The following ZNF777 variants were observed in gnomAD, a reference collection of about 807,000 sequenced individuals.
ZNF777 encodes the protein zinc finger protein 777.
In ZNF777, 7 loss-of-function variants were observed where a neutral mutation model predicts 72.1. The ratio of observed to expected loss-of-function variants is 0.10; its 90% confidence interval spans 0.06 to 0.18. The LOEUF (loss-of-function observed/expected upper bound fraction) is 0.18, where lower values mean the gene tolerates loss of function less well. Ranked by LOEUF, ZNF777 falls within the 10% of genes least tolerant of loss-of-function variation. The probability of loss-of-function intolerance (pLI) is 1.00; values close to 1 mark genes in which losing one functional copy is unlikely to be tolerated. For missense variants in ZNF777, 828 were observed against 1,128.6 expected (o/e 0.73, Z 3.82); for synonymous variants, 545 against 483.5 (o/e 1.13, Z -1.67).
At chr7:149,438,689 C>T (rs1345347455) in intron 4 of ZNF777, among the ~76,000 whole-genome samples, 2 of 152,208 alleles carry the variant, frequency 1.3e-5, no homozygotes, top group African/African-American at 4.8e-5. Flanking sequence ...AACCAAGCAG[C>T]CTCAGTCCTG....
intron 4 of ZNF777, among the ~76,000 whole-genome samples, chr7:149,442,591 G>A (rs994885404): frequency 1.2e-4 from 18 of 150,976 alleles, no homozygotes; most frequent in Non-Finnish European, 2.1e-4. Context: ...CTGCACTCCA[G>A]CCTGGGCAAC....
At chr7:149,456,090 G>A (rs1799825564) in intron 1 of ZNF777, 53 bp from the exon 2 acceptor site, 1 of 1,496,436 alleles carries the variant, frequency 6.7e-7, no homozygotes, top group East Asian at 2.3e-5. Context: ...TCTCCAGCTA[G>A]CAAAATAAAA....
At chr7:149,441,656 C>A (rs779897744) in intron 4 of ZNF777, among the ~76,000 whole-genome samples, 14 of 152,068 alleles carry the variant, frequency 9.2e-5, no homozygotes, top group Non-Finnish European at 1.9e-4. Context: ...CATAAGAACT[C>A]CTGTGGGGTG....
At chr7:149,457,083 G>A (rs895407711) in intron 1 of ZNF777, among the ~76,000 whole-genome samples, 1 of 152,166 alleles carries the variant, frequency 6.6e-6, no homozygotes, top group Non-Finnish European at 1.5e-5. Context: ...CAGCTGGACT[G>A]GTGACTTGTA....
At chr7:149,443,204 A>C (rs1358297087) in intron 4 of ZNF777, among the ~76,000 whole-genome samples, 1 of 150,500 alleles carries the variant, frequency 6.6e-6, no homozygotes, top group Non-Finnish European at 1.5e-5. Flanking sequence ...ACTGTCAGCT[A>C]TGAAAAAGAA....
chr7:149,445,015 T>A (rs1430042326), intron 4 of ZNF777, among the ~76,000 whole-genome samples: 2 of 152,180 alleles, frequency 1.3e-5, no homozygotes, highest in Non-Finnish European at 2.9e-5. Flanking sequence ...TGGACTTCCA[T>A]CCTTCAGTTT....
chr7:149,444,817 G>A (rs1799577042), intron 4 of ZNF777, among the ~76,000 whole-genome samples: 1 of 152,182 alleles, frequency 6.6e-6, no homozygotes. Flanking sequence ...GATTTCCTTT[G>A]TTCTCAGTTG....
intron 3 of ZNF777, among the ~76,000 whole-genome samples, chr7:149,452,447 G>A (rs1020059179): frequency 1.3e-5 from 2 of 151,674 alleles, no homozygotes; most frequent in Admixed American, 1.3e-4. Flanking sequence ...TGGCTGACAC[G>A]GTAAAACCCT....
In ZNF777 at chr7:149,431,915, C is replaced by T; in HGVS notation, c.2357G>A (p.Arg786His). The T allele has an allele frequency of 6.2e-7, 1 of 1,609,332 alleles. No homozygotes were observed. The highest frequency in any genetic ancestry group is 8.5e-7 in the Non-Finnish European group (1 of 1,179,464). The change falls in exon 6 of 6, where the codon CGC becomes CAC. Residue 786 changes from arginine to histidine, a missense_variant. By Grantham distance (29) the Arg-to-His change is conservative. Transcript: ENST00000247930. Reference sequence around the variant, plus strand: ...CAGCAGGTGATGCTTCTGCGTGAAGCGCTTGCCGCACTCGGCGCAGTGGTA... The same window carrying T: ...CAGCAGGTGATGCTTCTGCGTGAAGTGCTTGCCGCACTCGGCGCAGTGGTA... ...RPYHCAECGKRFTQKHHLLEH... is the reference protein window; with the variant it reads ...RPYHCAECGKHFTQKHHLLEH...
Position 149,431,742 on chromosome 7 carries a change from G to T in ZNF777, c.*34C>A. ...GTGTCCGAGGGGGGGCACGGCCCGC[G>T]CACCTGGCCGGGCGGCGGCGGCGGG... On this transcript the variant is annotated 3_prime_UTR_variant, in exon 6 of 6. Coordinates refer to ENST00000247930, the MANE Select transcript of ZNF777 (RefSeq NM_015694.3). The T allele has an allele frequency of 2.2e-6, 3 of 1,375,708 alleles. No homozygotes were observed. The highest frequency in any genetic ancestry group is 1.6e-5 in the African/African-American group (1 of 64,162). The allele number at this position is 1,375,708 out of a possible 1,614,324, so 85.2% of individuals were successfully genotyped here. A position where few individuals can be genotyped will look rare whatever the true frequency, so the allele number is the denominator to read the frequency against.
intron 1 of ZNF777, among the ~76,000 whole-genome samples, chr7:149,457,111 T>G (rs187600303): frequency 1.3e-5 from 2 of 152,314 alleles, no homozygotes; most frequent in Admixed American, 1.3e-4. Context: ...TTGGGGGGAC[T>G]AGACCAACAT....
chr7:149,455,602 T>G lies in ZNF777; in HGVS notation c.421A>C (p.Thr141Pro), dbSNP rs1799810547. The G allele has an allele frequency of 6.3e-7, 1 of 1,599,968 alleles. No individual in the cohort carries two copies. Among genetic ancestry groups the G allele is most frequent in the Non-Finnish European group, 8.5e-7 (1 of 1,175,050 alleles). Residue 141 changes from threonine (T) to proline (P), a missense_variant, in exon 2 of 6, where the codon ACC (threonine) becomes CCC (proline). Physicochemically the swap from Thr to Pro is conservative, Grantham distance 38. Coordinates refer to ENST00000247930, the MANE Select transcript of ZNF777 (RefSeq NM_015694.3). The surrounding 1 kb of genome is among the most constrained non-coding windows in gnomAD (Gnocchi z 4.2). ...GTCTCGGGAACTGTTGGGGAAAGGG[T>G]CAGGGGGTCTTTCTCAGGAGCTTCA... Reference protein sequence around the residue: ...SPEAPEKDPLTLSPTVPETDM... With the variant: ...SPEAPEKDPLPLSPTVPETDM...
chr7:149,448,291 C>T (rs1028260547), intron 4 of ZNF777, among the ~76,000 whole-genome samples: 4 of 151,326 alleles, frequency 2.6e-5, no homozygotes, highest in African/African-American at 7.3e-5. Context: ...CATGGTGAAA[C>T]GTCATCTCTA....
At chr7:149,451,288 G>GGT (rs897012487) in intron 3 of ZNF777, among the ~76,000 whole-genome samples, 176 bp from the exon 4 acceptor site, 7 of 151,650 alleles carry the variant, frequency 4.6e-5, no homozygotes, top group African/African-American at 7.3e-5. Context: ...TGGGGGTGTG[G>GGT]GTGTGTGTGT....
At position 149,431,732 on chromosome 7, in the gene ZNF777, C is replaced by G. The variant is rs751930761; in HGVS notation, c.*44G>C. 2 of 1,302,034 alleles carry G rather than the reference C, an allele frequency of 1.5e-6. No homozygotes were observed. The highest frequency in any genetic ancestry group is 4.3e-5 in the Admixed American group (1 of 23,432). The allele number at this position is 1,302,034 out of a possible 1,614,324, so 80.7% of individuals were successfully genotyped here. The stretch of plus-strand genomic sequence containing the variant: ...GGGCCTGGCGGTGTCCGAGGGGGGG[C>G]ACGGCCCGCGCACCTGGCCGGGCGG... On this transcript the variant is annotated 3_prime_UTR_variant, in exon 6 of 6. Transcript: ENST00000247930.
At chr7:149,453,869 C>T (rs556765731) in intron 3 of ZNF777, among the ~76,000 whole-genome samples, 29 of 152,354 alleles carry the variant, frequency 1.9e-4, no homozygotes, top group Middle Eastern at 3.4e-3. Flanking sequence ...GGTCTTTCTC[C>T]TCCTCCTTGC....
At chr7:149,441,257 G>T (rs1799509830) in intron 4 of ZNF777, among the ~76,000 whole-genome samples, 1 of 152,214 alleles carries the variant, frequency 6.6e-6, no homozygotes, top group African/African-American at 2.4e-5. Flanking sequence ...TATGAAAAAG[G>T]TAACATTTCA....
intron 4 of ZNF777, among the ~76,000 whole-genome samples, chr7:149,439,214 A>G (rs1014092713): frequency 2.6e-5 from 4 of 151,764 alleles, no homozygotes; most frequent in Non-Finnish European, 5.9e-5. Context: ...GCCTTTTCCC[A>G]TCTGTCTTCA....
In ZNF777 at chr7:149,459,745, A is replaced by G. The variant is rs1011755401; in HGVS notation, c.-16+1070T>C. The G allele has an allele frequency of 5.1e-6, 5 of 984,898 alleles. No homozygotes were observed. In the African/African-American group the frequency reaches 8.7e-5, roughly 17 times the overall value. The allele number at this position is 984,898 out of a possible 1,614,324, so 61.0% of individuals were successfully genotyped here. Reference sequence around the variant, plus strand: ...TTCTGCGAAATGGGAGAGCCGCGTCAGCGCCGCGCCCGGGCCGGGGAAGGC... The same window carrying G: ...TTCTGCGAAATGGGAGAGCCGCGTCGGCGCCGCGCCCGGGCCGGGGAAGGC... On this transcript the variant is annotated intron_variant, in intron 1 of 5. Coordinates refer to ENST00000247930, the MANE Select transcript of ZNF777 (RefSeq NM_015694.3).
Sources: allele counts gnomAD v4.1 joint callset (sites outside exome capture counted in the v4.1 genomes callset), GRCh38; gene constraint gnomAD v4.1.1; non-coding constraint Gnocchi (gnomAD v3.1); transcripts MANE v1.5; gene names NCBI Gene and HGNC (gene_info 2026-07-23, HGNC 2026-07-21).